Variants in ELL2 observed in about 807,000 individuals in gnomAD.
ELL2 encodes the protein RNA polymerase II elongation factor ELL2.
Under a neutral mutation model 72.8 loss-of-function variants are expected in ELL2, and 21 were observed. The observed-to-expected ratio is 0.29, with a 90% confidence interval of 0.20 to 0.42. The LOEUF (loss-of-function observed/expected upper bound fraction) is 0.42. Among genes scored for constraint, ELL2 ranks in the 10% least tolerant of loss-of-function variants. The probability of loss-of-function intolerance (pLI) is 1.00; values close to 1 mark genes in which losing one functional copy is unlikely to be tolerated. For missense variants in ELL2, 568 were observed against 772.8 expected (o/e 0.73, Z 3.14); for synonymous variants, 266 against 283.2 (o/e 0.94, Z 0.61).
intron 4 of ELL2, 41 bp from the exon 5 acceptor site, chr5:95,906,823 T>C: frequency 6.4e-7 from 1 of 1,553,776 alleles, no homozygotes; most frequent in Non-Finnish European, 8.7e-7. Context: ...CATTTGTGGG[T>C]TACAATATGA....
chr5:95,930,856 C>A (rs1281028333), intron 2 of ELL2, among the ~76,000 whole-genome samples: 1 of 152,096 alleles, frequency 6.6e-6, no homozygotes, highest in African/African-American at 2.4e-5. Flanking sequence ...GTAGTCAAAT[C>A]TTAAATGAAC....
At chr5:95,958,469 G>A (rs572132594) in intron 1 of ELL2, among the ~76,000 whole-genome samples, 1 of 152,292 alleles carries the variant, frequency 6.6e-6, no homozygotes, top group East Asian at 1.9e-4. Context: ...AGTACCAACG[G>A]TACATTCAGT....
At chr5:95,950,865 C>A in intron 1 of ELL2, among the ~76,000 whole-genome samples, 1 of 129,566 alleles carries the variant, frequency 7.7e-6, no homozygotes. Context: ...CTGATACATG[C>A]CAAGTTTTAT....
chr5:95,908,826 A>G (rs1024074056), intron 4 of ELL2, among the ~76,000 whole-genome samples: 1 of 152,222 alleles, frequency 6.6e-6, no homozygotes, highest in Non-Finnish European at 1.5e-5. Context: ...TCTTGCAAAA[A>G]AGAAATTTGT....
chr5:95,898,635 G>A lies in ELL2; in HGVS notation c.1130C>T (p.Pro377Leu), dbSNP rs750095867. 4.9e-5 allele frequency: 79 copies of A among 1,612,922 alleles called. No individual in the cohort carries two copies. Among genetic ancestry groups the A allele is most frequent in the South Asian group, 2.1e-4 (19 of 90,914 alleles). The change falls in exon 8 of 12, where the codon CCG (proline) becomes CTG (leucine). Residue 377 changes from proline to leucine, a missense_variant. This residue lies in a region of ELL2 where 511 missense variants were observed against 728.4 expected (regional missense o/e 0.70). Coordinates refer to ENST00000237853, the MANE Select transcript of ELL2 (RefSeq NM_012081.6). ...PAAAAIPTPPPLPSTYLPISH... is the reference protein window; with the variant it reads ...PAAAAIPTPPLLPSTYLPISH... ...GATGGGCAGATAGGTTGAAGGCAGC[G>A]GTGGAGGGGTAGGGATGGCAGCAGC... is the stretch of plus-strand genomic sequence containing the variant.
chr5:95,924,473 C>T (rs1341790387), intron 2 of ELL2, among the ~76,000 whole-genome samples: 3 of 152,136 alleles, frequency 2.0e-5, no homozygotes, highest in African/African-American at 7.2e-5. Flanking sequence ...GTATTTTAAG[C>T]TTTTCCTACA....
At chr5:95,957,499 A>G (rs1580544144) in intron 1 of ELL2, among the ~76,000 whole-genome samples, 2 of 152,376 alleles carry the variant, frequency 1.3e-5, no homozygotes, top group East Asian at 3.9e-4. Flanking sequence ...AGATATCTGT[A>G]TTATCATGTC....
At chr5:95,925,895 G>A (rs1282674289) in intron 2 of ELL2, among the ~76,000 whole-genome samples, 3 of 152,030 alleles carry the variant, frequency 2.0e-5, no homozygotes, top group Non-Finnish European at 4.4e-5. Flanking sequence ...CTATATATTA[G>A]CTTAGATACA....
chr5:95,914,900 T>C (rs187404320), intron 3 of ELL2, among the ~76,000 whole-genome samples: 10 of 152,318 alleles, frequency 6.6e-5, no homozygotes, highest in Admixed American at 3.9e-4. Context: ...AATATTAACA[T>C]GGACCTAGAA....
chr5:95,960,565 G>A (rs2112367328), intron 1 of ELL2, among the ~76,000 whole-genome samples: 1 of 151,946 alleles, frequency 6.6e-6, no homozygotes. Context: ...GAAAACGAGG[G>A]GTGAGAGGCC....
chr5:95,916,411 AG>A (rs986262677), intron 3 of ELL2, among the ~76,000 whole-genome samples: 1 of 152,170 alleles, frequency 6.6e-6, no homozygotes, highest in African/African-American at 2.4e-5. Flanking sequence ...AAGGAAGAAA[AG>A]AAGACCACAT....
rs372656152 is a variant in ELL2, at chr5:95,927,370, TAC to T, written c.196-7827_196-7826del. ...GTATGTGTATGTGTATATATAGACA[TAC>T]ACACACACACGTGTGTATATATAGA... On this transcript the variant is annotated intron_variant, in intron 2 of 11. Coordinates refer to ENST00000237853, the MANE Select transcript of ELL2 (RefSeq NM_012081.6). Among the ~76,000 whole-genome samples, 240 of 90,854 alleles carry T rather than the reference TAC, an allele frequency of 2.6e-3. 23 individuals are homozygous for T. The highest frequency in any genetic ancestry group is 3.4e-3 in the Admixed American group (35 of 10,166). The allele number at this position is 90,854 out of a possible 152,430, so 59.6% of individuals were successfully genotyped here. A position where few individuals can be genotyped will look rare whatever the true frequency, so the allele number is the denominator to read the frequency against.
intron 3 of ELL2, among the ~76,000 whole-genome samples, chr5:95,918,652 G>A (rs1005694646): frequency 1.3e-5 from 2 of 152,098 alleles, no homozygotes; most frequent in African/African-American, 4.8e-5. Context: ...GGTACTTGGG[G>A]CTAATGTCAA....
At chr5:95,889,229 G>T in intron 10 of ELL2, 99 bp from the exon 11 acceptor site, 1 of 948,364 alleles carries the variant, frequency 1.1e-6, no homozygotes, top group Non-Finnish European at 1.6e-6. Context: ...AGGAAATATT[G>T]ACTGTGGGAA....
intron 7 of ELL2, among the ~76,000 whole-genome samples, chr5:95,899,771 T>G (rs960874615): frequency 6.6e-6 from 1 of 152,168 alleles, no homozygotes; most frequent in Non-Finnish European, 1.5e-5. Flanking sequence ...TTGATCAGAG[T>G]AGAAGTAGTT....
chr5:95,905,264 T>C (rs1749313882), intron 5 of ELL2, among the ~76,000 whole-genome samples: 1 of 152,082 alleles, frequency 6.6e-6, no homozygotes, highest in Non-Finnish European at 1.5e-5. Flanking sequence ...CGTATATATA[T>C]ATATATTTAG....
intron 5 of ELL2, among the ~76,000 whole-genome samples, chr5:95,904,293 T>TTGAA (rs374599180): frequency 6.6e-6 from 1 of 152,224 alleles, no homozygotes; most frequent in African/African-American, 2.4e-5. Flanking sequence ...ATAAGTTGAA[T>TTGAA]TGAATGAATG....
intron 2 of ELL2, among the ~76,000 whole-genome samples, chr5:95,931,933 T>C (rs1267872783): frequency 6.7e-6 from 1 of 150,272 alleles, no homozygotes; most frequent in African/African-American, 2.4e-5. Context: ...CTCTAAAGCA[T>C]TCAATCTTCA....
intron 8 of ELL2, among the ~76,000 whole-genome samples, chr5:95,897,401 G>A (rs1322400716): frequency 4.1e-5 from 3 of 72,340 alleles, no homozygotes; most frequent in African/African-American, 7.5e-5. Context: ...TCTTCTATGT[G>A]GTGGCATGCA....
Sources: gnomAD v4.1 joint callset for allele counts (sites outside exome capture counted in the v4.1 genomes callset) on GRCh38, gnomAD v4.1.1 for gene constraint, gnomAD v4.1.1 regional missense constraint, MANE v1.5 for transcripts, NCBI Gene and HGNC (gene_info 2026-07-23, HGNC 2026-07-21) for gene names.